EFCC1: variants seen among roughly 807,000 people sequenced by gnomAD.
EFCC1 encodes EF-hand and coiled-coil domain containing 1.
In EFCC1, 50 loss-of-function variants were observed where a neutral mutation model predicts 52.1. The ratio of observed to expected loss-of-function variants is 0.96; its 90% CI spans 0.76 to 1.21. The LOEUF is 1.21. Among genes scored for constraint, EFCC1 ranks in the 50% most tolerant of loss-of-function variants. The pLI is 0.00. For missense variants in EFCC1, 837 were observed against 867.3 expected (o/e 0.97, Z 0.44); for synonymous variants, 399 against 396.5 (o/e 1.01, Z -0.08).
intron 2 of EFCC1, among the ~76,000 whole-genome samples, chr3:129,005,149 C>T (rs183347401): frequency 1.0e-3 from 156 of 152,298 alleles, no homozygotes; most frequent in African/African-American, 3.5e-3. Context: ...GACCACGTGA[C>T]TAGGACAGAC....
intron 2 of EFCC1, among the ~76,000 whole-genome samples, chr3:129,028,423 G>GAGT (rs1946191189): frequency 6.6e-6 from 1 of 152,104 alleles, no homozygotes; most frequent in African/African-American, 2.4e-5. Context: ...TCCATGACTG[G>GAGT]AGTACAGTGC....
At chr3:129,004,379 CCACCCATCCAT>C (rs1944971114) in intron 2 of EFCC1, among the ~76,000 whole-genome samples, 1 of 138,356 alleles carries the variant, frequency 7.2e-6, no homozygotes, top group Admixed American at 7.2e-5. Context: ...CCCCCCCCAC[CCACCCATCCAT>C]CCACTCACCC....
intron 3 of EFCC1, among the ~76,000 whole-genome samples, chr3:129,032,281 T>C (rs1013081305): frequency 6.6e-6 from 1 of 151,980 alleles, no homozygotes; most frequent in Non-Finnish European, 1.5e-5. Flanking sequence ...CTGACTGGGG[T>C]TGGTATGGCC....
At chr3:129,028,160 G>A (rs988508476) in intron 2 of EFCC1, among the ~76,000 whole-genome samples, 39 of 150,348 alleles carry the variant, frequency 2.6e-4, no homozygotes, top group Non-Finnish European at 1.9e-4. Context: ...TCTAGGTTAC[G>A]GCAACCGCCA....
At chr3:129,012,306 T>G (rs1286954165) in intron 2 of EFCC1, among the ~76,000 whole-genome samples, 2 of 152,204 alleles carry the variant, frequency 1.3e-5, no homozygotes, top group Admixed American at 1.3e-4. Context: ...TGGCACATAA[T>G]AAGCCCTCCT....
At chr3:129,005,069 T>G (rs560311290) in intron 2 of EFCC1, among the ~76,000 whole-genome samples, 1 of 152,372 alleles carries the variant, frequency 6.6e-6, no homozygotes, top group African/African-American at 2.4e-5. Context: ...CCCTGCCTGC[T>G]GGCCGGCCTG....
In EFCC1 at chr3:129,003,975, T is replaced by TGCGCAGCCTGCACC; in HGVS notation, c.882_895dup (p.Val299AlafsTer45). ...GCGGAGGAGGCCCGGCAGGTGGTGC[T>TGCGCAGCCTGCACC]GCGCAGCCTGCACCGCGTGCGAGAG... On this transcript the variant is annotated frameshift_variant, in exon 2 of 8. Transcript: ENST00000683648. LOFTEE classifies it high-confidence loss of function. The TGCGCAGCCTGCACC allele has an allele frequency of 6.8e-7, 1 of 1,474,556 alleles. No homozygotes were observed. The highest frequency in any genetic ancestry group is 8.9e-7 in the Non-Finnish European group (1 of 1,120,246). The allele number at this position is 1,474,556 out of a possible 1,614,324, so 91.3% of individuals were successfully genotyped here.
Position 129,030,956 on chromosome 3 carries a change from CA to C in EFCC1, c.1138+97del, listed in dbSNP as rs893446917. 1.0e-5 allele frequency: 14 copies of C among 1,402,432 alleles called. No individual in the cohort carries two copies. The African/African-American group carries it at 2.0e-4, about 20-fold the overall frequency. The allele number at this position is 1,402,432 out of a possible 1,614,324, so 86.9% of individuals were successfully genotyped here. A position where few individuals can be genotyped will look rare whatever the true frequency, so the allele number is the denominator to read the frequency against. On this transcript the variant is annotated intron_variant, in intron 3 of 7. Coordinates refer to ENST00000683648, the MANE Select transcript of EFCC1 (RefSeq NM_001377500.1). ...AAGGGCCTGTCTGCATCCATGCTACCACCAGCCTCCAAACAGAGCCCACTCC... is the reference window on the plus strand; with the variant it reads ...AAGGGCCTGTCTGCATCCATGCTACCCCAGCCTCCAAACAGAGCCCACTCC...
chr3:129,038,731 A>G lies in EFCC1; in HGVS notation c.1594-100A>G, dbSNP rs534611070. 4.3e-5 allele frequency: 51 copies of G among 1,173,798 alleles called. No homozygotes were observed. The South Asian group carries it at 5.0e-4, about 11-fold the overall frequency. The allele number at this position is 1,173,798 out of a possible 1,614,324, so 72.7% of individuals were successfully genotyped here. On this transcript the variant is annotated intron_variant, in intron 6 of 7. Coordinates refer to ENST00000683648, the MANE Select transcript of EFCC1 (RefSeq NM_001377500.1). Reference sequence around the variant, plus strand: ...TGGGGGAGGAGCTTTATCTGTCCCCAGGGAGCTGCCTAGAAGCCCGTAGGG... The same window carrying G: ...TGGGGGAGGAGCTTTATCTGTCCCCGGGGAGCTGCCTAGAAGCCCGTAGGG...
At chr3:129,039,241 C>G (rs1346757171) in intron 7 of EFCC1, among the ~76,000 whole-genome samples, 1 of 152,250 alleles carries the variant, frequency 6.6e-6, no homozygotes, top group African/African-American at 2.4e-5. Context: ...GAGGAAGAGA[C>G]TGAGGCACAG....
At chr3:129,009,567 A>G (rs931681752) in intron 2 of EFCC1, among the ~76,000 whole-genome samples, 6 of 152,212 alleles carry the variant, frequency 3.9e-5, no homozygotes, top group African/African-American at 1.4e-4. Flanking sequence ...TGACTGGCCA[A>G]ACCTTAGTCA....
At chr3:129,019,619 C>T (rs1321478098) in intron 2 of EFCC1, among the ~76,000 whole-genome samples, 1 of 152,164 alleles carries the variant, frequency 6.6e-6, no homozygotes, top group Non-Finnish European at 1.5e-5. Flanking sequence ...TAGATCAGCA[C>T]TGTCCAACTG....
chr3:129,003,740 T>C, intron 1 of EFCC1, 54 bp from the exon 2 acceptor site: 2 of 1,305,690 alleles, frequency 1.5e-6, no homozygotes, highest in Non-Finnish European at 2.0e-6. Context: ...GGCGTTCGTC[T>C]GGTGCATCTG....
chr3:129,002,160 C>G lies in EFCC1; in HGVS notation c.532C>G (p.Arg178Gly). Residue 178 changes from arginine (R) to glycine (G), a missense_variant, in exon 1 of 8, where the codon CGT becomes GGT. Arg to Gly is a moderately radical substitution (Grantham distance 125, BLOSUM62 -2). Coordinates refer to ENST00000683648, the MANE Select transcript of EFCC1 (RefSeq NM_001377500.1). The stretch of plus-strand genomic sequence containing the variant: ...CATCGAGACGCAGATCCGCCTGCGC[C>G]GTCCGCGCCGCCGCCGCCGCCCGCC... ...EHIETQIRLR[R>G]PRRRRRPPCA... is the part of the protein sequence containing the mutation. 6.8e-7 allele frequency: 1 copy of G among 1,471,750 alleles called. No individual in the cohort carries two copies. 91.2% of individuals were successfully genotyped at this position (1,471,750 alleles called of 1,614,324 possible). A position where few individuals can be genotyped will look rare whatever the true frequency, so the allele number is the denominator to read the frequency against.
At position 129,010,816 on chromosome 3, in the gene EFCC1, T is replaced by C. The variant is rs1945293493; in HGVS notation, c.980+6739T>C. Among the ~76,000 whole-genome samples the C allele has an allele frequency of 6.6e-6, 1 of 152,038 alleles. No individual in the cohort carries two copies. The highest frequency in any genetic ancestry group is 1.5e-5 in the Non-Finnish European group (1 of 68,000). On this transcript the variant is annotated intron_variant, in intron 2 of 7. Transcript: ENST00000683648. This position sits in a 1 kb window ranked among gnomAD's most constrained non-coding sequence, Gnocchi z 4.3. ...GAGGCCTTTCCTCCTCCAGGAACAA[T>C]ACTCAGGCTCACAAAGAGGCAGACC...
Position 129,010,146 on chromosome 3 carries a change from C to A in EFCC1, c.980+6069C>A, listed in dbSNP as rs1945254292. Reference sequence around the variant, plus strand: ...GCCTGGGACTTCAGCACAAGGAGACCCCTAAGTGGTCCAGTGGCCTTGTCC... The same window carrying A: ...GCCTGGGACTTCAGCACAAGGAGACACCTAAGTGGTCCAGTGGCCTTGTCC... On this transcript the variant is annotated intron_variant, in intron 2 of 7. Coordinates refer to ENST00000683648, the MANE Select transcript of EFCC1 (RefSeq NM_001377500.1). The surrounding 1 kb of genome is among the most constrained non-coding windows in gnomAD (Gnocchi z 4.3). 6.6e-6 allele frequency among the ~76,000 whole-genome samples: 1 copy of A among 152,252 alleles called. No homozygotes were observed. Among genetic ancestry groups the A allele is most frequent in the African/African-American group, 2.4e-5 (1 of 41,468 alleles).
intron 5 of EFCC1, 45 bp downstream of exon 5, chr3:129,034,374 T>A: frequency 6.3e-7 from 1 of 1,599,316 alleles, no homozygotes; most frequent in Admixed American, 1.7e-5. Flanking sequence ...TTCTAGAGGA[T>A]CTCACAGCTG....
chr3:129,030,696 G>T lies in EFCC1; in HGVS notation c.981-7G>T. The T allele has an allele frequency of 6.4e-7, 1 of 1,550,916 alleles. No individual in the cohort carries two copies. The highest frequency in any genetic ancestry group is 1.2e-5 in the South Asian group (1 of 83,990). Reference sequence around the variant, plus strand: ...CCTCAATGCCTGTGTCTCTCCCACGGCTGCAGGTCAGAGGATTCCCAGCTC... The same window carrying T: ...CCTCAATGCCTGTGTCTCTCCCACGTCTGCAGGTCAGAGGATTCCCAGCTC... On this transcript the variant is annotated splice_polypyrimidine_tract_variant and splice_region_variant and intron_variant, in intron 2 of 7. Transcript: ENST00000683648.
chr3:129,011,921 G>T (rs1004844718), intron 2 of EFCC1, among the ~76,000 whole-genome samples: 24 of 152,226 alleles, frequency 1.6e-4, no homozygotes, highest in African/African-American at 5.8e-4. Flanking sequence ...AGCCTAGACA[G>T]GGATGGTAAT....
Sources: allele counts gnomAD v4.1 joint callset (sites outside exome capture counted in the v4.1 genomes callset), GRCh38; gene constraint gnomAD v4.1.1; non-coding constraint Gnocchi (gnomAD v3.1); transcripts MANE v1.5; gene names NCBI Gene and HGNC (gene_info 2026-07-23, HGNC 2026-07-21).